PDE8B: variants seen among roughly 807,000 people sequenced by gnomAD.
The protein encoded by PDE8B is phosphodiesterase 8B.
In PDE8B, 26 loss-of-function variants were observed where a neutral mutation model predicts 101.3. The ratio of observed to expected loss-of-function variants is 0.26; its 90% CI spans 0.19 to 0.36. PDE8B has a LOEUF of 0.36. Among genes scored for constraint, PDE8B ranks in the 10% least tolerant of loss-of-function variants. PDE8B has a pLI of 1.00. For synonymous variants in PDE8B, 424 were observed against 429.3 expected, an observed-to-expected ratio of 0.99 and a Z score of 0.15; for missense variants, 810 against 1,163.1, an observed-to-expected ratio of 0.70 and a Z score of 4.42.
the PDE8B span, chr5:77,139,710 T>C: frequency 6.6e-6 from 1 of 152,262 alleles, no homozygotes; most frequent in Admixed American, 6.5e-5. Context: ...GCTTATTTTC[T>C]ATTCAACCAT....
At chr5:77,096,659 GT>G in the PDE8B span, among the ~76,000 whole-genome samples, 6 of 152,190 alleles carry the variant, frequency 3.9e-5, no homozygotes, top group Admixed American at 3.9e-4. Flanking sequence ...TGGGGATTAT[GT>G]TTCAACATGA....
the PDE8B span, among the ~76,000 whole-genome samples, chr5:77,178,410 TCTC>T: frequency 1.9e-4 from 29 of 152,214 alleles, no homozygotes; most frequent in Non-Finnish European, 4.1e-4. Flanking sequence ...CTTCCACAAA[TCTC>T]AGCCTGCACT....
chr5:77,160,478 C>T, the PDE8B span, among the ~76,000 whole-genome samples: 1 of 152,130 alleles, frequency 6.6e-6, no homozygotes, highest in African/African-American at 2.4e-5. Context: ...AGTCCAAACC[C>T]ATGCTGTTCA....
chr5:77,239,108 G>A (rs547430027), intron 1 of PDE8B, among the ~76,000 whole-genome samples: 16 of 152,308 alleles, frequency 1.1e-4, no homozygotes, highest in African/African-American at 1.9e-4. Context: ...TCCCATGCAA[G>A]TTGTAATTTT....
At chr5:77,117,734 G>A in the PDE8B span, among the ~76,000 whole-genome samples, 2 of 152,164 alleles carry the variant, frequency 1.3e-5, no homozygotes, top group Non-Finnish European at 2.9e-5. Flanking sequence ...AGTAAGAAAA[G>A]GTGACCTGAG....
At chr5:77,345,906 T>C (rs935543793) in intron 7 of PDE8B, among the ~76,000 whole-genome samples, 3 of 152,228 alleles carry the variant, frequency 2.0e-5, no homozygotes, top group Admixed American at 6.5e-5. Context: ...AGTGCACACA[T>C]ACACACCTTG....
chr5:77,168,687 C>T, the PDE8B span, among the ~76,000 whole-genome samples: 6 of 152,142 alleles, frequency 3.9e-5, no homozygotes, highest in African/African-American at 9.7e-5. Context: ...TGGGCTTTAC[C>T]GCAGCTCCTT....
chr5:77,289,763 T>C (rs1766855569), intron 1 of PDE8B, among the ~76,000 whole-genome samples: 2 of 152,238 alleles, frequency 1.3e-5, no homozygotes, highest in South Asian at 4.1e-4. Flanking sequence ...TTTTGTAATA[T>C]GAATGAGGAC....
the PDE8B span, among the ~76,000 whole-genome samples, chr5:77,126,506 G>A: frequency 1.3e-5 from 2 of 152,068 alleles, no homozygotes; most frequent in Non-Finnish European, 2.9e-5. Context: ...GCTCATTGCA[G>A]CCTTAGTCTC....
chr5:77,179,631 G>T, the PDE8B span, among the ~76,000 whole-genome samples: 2 of 152,344 alleles, frequency 1.3e-5, no homozygotes, highest in Admixed American at 1.3e-4. Context: ...TGGGTGGGGG[G>T]CGGCTCTAGA....
chr5:77,248,770 G>T (rs2149601946), intron 1 of PDE8B, among the ~76,000 whole-genome samples: 1 of 152,302 alleles, frequency 6.6e-6, no homozygotes, highest in South Asian at 2.1e-4. Flanking sequence ...CTCTCCATGT[G>T]ACTGTATTTT....
intron 1 of PDE8B, among the ~76,000 whole-genome samples, chr5:77,219,662 C>G (rs1433618991): frequency 6.6e-6 from 1 of 152,178 alleles, no homozygotes; most frequent in African/African-American, 2.4e-5. Flanking sequence ...CAATCCACAC[C>G]TCAGCCACTA....
chr5:77,247,358 C>T (rs762613819), intron 1 of PDE8B, among the ~76,000 whole-genome samples: 10 of 152,168 alleles, frequency 6.6e-5, no homozygotes, highest in Non-Finnish European at 1.0e-4. Flanking sequence ...ACTGCAGTCA[C>T]GCAGGGTGCC....
At chr5:77,297,907 G>T (rs1321486709) in intron 1 of PDE8B, among the ~76,000 whole-genome samples, 2 of 152,168 alleles carry the variant, frequency 1.3e-5, no homozygotes, top group Non-Finnish European at 2.9e-5. Flanking sequence ...TGAATCCCCA[G>T]ATTGAGCTAA....
chr5:77,371,872 A>G (rs1268002624), intron 10 of PDE8B, among the ~76,000 whole-genome samples: 1 of 152,120 alleles, frequency 6.6e-6, no homozygotes, highest in Non-Finnish European at 1.5e-5. Flanking sequence ...TTCTAAGTTC[A>G]TTTTCTAAAT....
At chr5:77,294,643 A>T (rs1232875535) in intron 1 of PDE8B, among the ~76,000 whole-genome samples, 1 of 151,928 alleles carries the variant, frequency 6.6e-6, no homozygotes, top group Non-Finnish European at 1.5e-5. Context: ...TACTCAGAAA[A>T]GAAATAGAAA....
At chr5:77,145,093 G>GGATAA in the PDE8B span, 1 of 151,666 alleles carries the variant, frequency 6.6e-6, no homozygotes, top group Non-Finnish European at 1.5e-5. Context: ...GTAATATATA[G>GGATAA]TGTATAATAT....
the PDE8B span, among the ~76,000 whole-genome samples, chr5:77,181,929 G>T: frequency 6.6e-6 from 1 of 152,196 alleles, no homozygotes; most frequent in Non-Finnish European, 1.5e-5. Flanking sequence ...CGCATTGCCA[G>T]TTCTACTTGA....
chr5:77,231,310 G>A (rs2149486977), intron 1 of PDE8B, among the ~76,000 whole-genome samples: 1 of 152,340 alleles, frequency 6.6e-6, no homozygotes, highest in South Asian at 2.1e-4. Context: ...GTAGGGGAAA[G>A]TGTGTGGGAA....
Sources: gnomAD v4.1 joint callset for allele counts (sites outside exome capture counted in the v4.1 genomes callset) on GRCh38, gnomAD v4.1.1 for gene constraint, MANE v1.5 for transcripts, NCBI Gene and HGNC (gene_info 2026-07-23, HGNC 2026-07-21) for gene names.